The following RPN2 variants were observed in gnomAD, a reference collection of about 807,000 sequenced individuals.
RPN2 encodes dolichyl-diphosphooligosaccharide--protein glycosyltransferase subunit 2.
A neutral mutation model predicts 71.4 loss-of-function variants in RPN2; 29 were observed. The observed-to-expected ratio is 0.41, with a 90% CI of 0.30 to 0.55. The LOEUF is 0.55. Among genes scored for constraint, RPN2 ranks in the 20% least tolerant of loss-of-function variants. The pLI, the probability that RPN2 is intolerant of heterozygous loss-of-function variation, is 0.35. For synonymous variants in RPN2, 308 were observed against 305.0 expected (o/e 1.01, Z -0.10); for missense variants, 726 against 774.1 (o/e 0.94, Z 0.74).
intron 2 of RPN2, among the ~76,000 whole-genome samples, chr20:37,190,356 T>C (rs1339810842): frequency 1.3e-5 from 2 of 152,244 alleles, no homozygotes; most frequent in African/African-American, 4.8e-5. Context: ...TTGGGCTGGC[T>C]GTGGCTTTAT....
rs751282909 is a variant in RPN2 at position 37,179,330 on chromosome 20, G to A, written c.-27G>A. On this transcript the variant is annotated 5_prime_UTR_variant, in exon 1 of 17. Coordinates refer to ENST00000237530, the MANE Select transcript of RPN2 (RefSeq NM_002951.5). ...CCGAGCGGAAGTCAGCCCGCGGCTC[G>A]GACTCCGGCGGGACCTGCTCGGAGG... The A allele has an allele frequency of 5.2e-6, 8 of 1,535,228 alleles. No homozygotes were observed. The highest frequency in any genetic ancestry group is 4.8e-5 in the South Asian group (4 of 83,910).
chr20:37,189,680 C>G (rs1257690513), intron 2 of RPN2, among the ~76,000 whole-genome samples: 1 of 152,098 alleles, frequency 6.6e-6, no homozygotes, highest in Non-Finnish European at 1.5e-5. Flanking sequence ...AAGAGTATAC[C>G]CATCAGAGTC....
chr20:37,190,481 A>G (rs995261053), intron 2 of RPN2, among the ~76,000 whole-genome samples: 2 of 152,206 alleles, frequency 1.3e-5, no homozygotes, highest in Non-Finnish European at 2.9e-5. Context: ...TTGTTCTGTC[A>G]TCGGTAAGAT....
intron 1 of RPN2, among the ~76,000 whole-genome samples, chr20:37,181,719 A>T (rs1482653438): frequency 6.6e-6 from 1 of 152,054 alleles, no homozygotes; most frequent in East Asian, 1.9e-4. Context: ...GCGCCTGGCC[A>T]TATTGGGTTT....
At chr20:37,191,411 G>A (rs2067137248) in intron 2 of RPN2, among the ~76,000 whole-genome samples, 1 of 152,002 alleles carries the variant, frequency 6.6e-6, no homozygotes, top group Non-Finnish European at 1.5e-5. Flanking sequence ...AGAGGCAGAG[G>A]TTTTGCAGTG....
intron 14 of RPN2, among the ~76,000 whole-genome samples, 162 bp from the exon 15 acceptor site, chr20:37,233,858 G>T (rs1457389614): frequency 6.6e-6 from 1 of 152,204 alleles, no homozygotes; most frequent in Non-Finnish European, 1.5e-5. Context: ...TTCCCCGAGG[G>T]CTTATAATAG....
chr20:37,186,157 T>C (rs1286695090), intron 2 of RPN2, among the ~76,000 whole-genome samples: 2 of 152,234 alleles, frequency 1.3e-5, no homozygotes, highest in Non-Finnish European at 2.9e-5. Context: ...AGAAAACTGC[T>C]ATTAAAGGGT....
Position 37,184,382 on chromosome 20 carries a change from G to A in RPN2, c.207+9G>A, listed in dbSNP as rs1197352641. The A allele has an allele frequency of 2.5e-6, 4 of 1,613,230 alleles. No homozygotes were observed. The highest frequency in any genetic ancestry group is 3.4e-6 in the Non-Finnish European group (4 of 1,179,344). ...AGGTGCCAGATGCAAAGGTAAGGCT[G>A]CTTTTGTCCTGGTGGTCAGGGTGGT... On this transcript the variant is annotated intron_variant, in intron 2 of 16. Coordinates refer to ENST00000237530, the MANE Select transcript of RPN2 (RefSeq NM_002951.5).
intron 2 of RPN2, among the ~76,000 whole-genome samples, chr20:37,193,988 A>G (rs2067201765): frequency 6.6e-6 from 1 of 152,170 alleles, no homozygotes; most frequent in African/African-American, 2.4e-5. Flanking sequence ...GAGCTGCCAG[A>G]GAAGTAGGAG....
At chr20:37,228,466 G>A (rs1334283328) in intron 11 of RPN2, 84 bp from the exon 12 acceptor site, 13 of 1,345,184 alleles carry the variant, frequency 9.7e-6, no homozygotes, top group East Asian at 6.9e-5. Flanking sequence ...GCTAATAACC[G>A]TCTGCTGCCC....
intron 2 of RPN2, among the ~76,000 whole-genome samples, chr20:37,193,765 G>T (rs1403583964): frequency 6.6e-6 from 1 of 152,170 alleles, no homozygotes; most frequent in Admixed American, 6.5e-5. Flanking sequence ...CACGAATTTG[G>T]TCTTTACCAT....
At chr20:37,189,832 A>G (rs951830639) in intron 2 of RPN2, among the ~76,000 whole-genome samples, 1 of 152,196 alleles carries the variant, frequency 6.6e-6, no homozygotes, top group Non-Finnish European at 1.5e-5. Flanking sequence ...TCTTACATTG[A>G]AAAGGTTTGC....
chr20:37,203,872 C>T lies in RPN2; in HGVS notation c.480-13C>T, dbSNP rs373756854. 5.6e-6 allele frequency: 9 copies of T among 1,608,312 alleles called. No homozygotes were observed. The highest frequency in any genetic ancestry group is 4.0e-5 in the African/African-American group (3 of 74,820). On this transcript the variant is annotated splice_polypyrimidine_tract_variant and intron_variant, in intron 4 of 16. Coordinates refer to ENST00000237530, the MANE Select transcript of RPN2 (RefSeq NM_002951.5). ...ACTTGCCATTCATTGGGGTTCTACT[C>T]TTTACCTTCCAGAACAGTCCAGGCT... is the stretch of plus-strand genomic sequence containing the variant.
chr20:37,214,869 A>T (rs893772222), intron 9 of RPN2, among the ~76,000 whole-genome samples: 4 of 152,086 alleles, frequency 2.6e-5, no homozygotes, highest in African/African-American at 9.7e-5. Flanking sequence ...GTGGGGTGGT[A>T]CTTTGAGACT....
chr20:37,223,819 T>C, intron 9 of RPN2, 59 bp from the exon 10 acceptor site: 1 of 1,381,082 alleles, frequency 7.2e-7, no homozygotes, highest in Non-Finnish European at 1.0e-6. Flanking sequence ...TATATCTGCA[T>C]GTGAATTCCT....
chr20:37,204,939 G>C lies in RPN2; in HGVS notation c.690+38G>C, dbSNP rs769665792. On this transcript the variant is annotated intron_variant, in intron 6 of 16. Coordinates refer to ENST00000237530, the MANE Select transcript of RPN2 (RefSeq NM_002951.5). ...CAATTTTCAGGCATGAAACCCAAAG[G>C]GGTCATCAGCTGTATCTGCTAAGGA... 5 of 1,613,914 alleles carry C rather than the reference G, an allele frequency of 3.1e-6. No individual in the cohort carries two copies. In the South Asian group the frequency reaches 5.5e-5, roughly 18 times the overall value.
chr20:37,184,173 C>T lies in RPN2; in HGVS notation c.14-7C>T, dbSNP rs748666082. ...TAGAGTGTACTGAATGGTTGTTTCC[C>T]CCCAAGGTTCAAGCACTGTCTTCCT... On this transcript the variant is annotated splice_polypyrimidine_tract_variant and splice_region_variant and intron_variant, in intron 1 of 16. Coordinates refer to ENST00000237530, the MANE Select transcript of RPN2 (RefSeq NM_002951.5). The T allele has an allele frequency of 6.2e-7, 1 of 1,614,112 alleles. No individual in the cohort carries two copies. The highest frequency in any genetic ancestry group is 8.5e-7 in the Non-Finnish European group (1 of 1,180,012).
Position 37,179,331 on chromosome 20 carries a change from G to C in RPN2, c.-26G>C. 6.5e-7 allele frequency: 1 copy of C among 1,535,510 alleles called. No homozygotes were observed. Among genetic ancestry groups the C allele is most frequent in the East Asian group, 2.5e-5 (1 of 40,810 alleles). ...CGAGCGGAAGTCAGCCCGCGGCTCG[G>C]ACTCCGGCGGGACCTGCTCGGAGGA... On this transcript the variant is annotated 5_prime_UTR_variant, in exon 1 of 17. Transcript: ENST00000237530.
At chr20:37,213,629 G>T (rs1439170254) in intron 8 of RPN2, 131 bp from the exon 9 acceptor site, 1 of 731,488 alleles carries the variant, frequency 1.4e-6, no homozygotes, top group South Asian at 1.5e-5. Context: ...GCCCAAGTGG[G>T]GTGGGAAGTC....
Sources: allele counts gnomAD v4.1 joint callset (sites outside exome capture counted in the v4.1 genomes callset), GRCh38; gene constraint gnomAD v4.1.1; transcripts MANE v1.5; gene names NCBI Gene and HGNC (gene_info 2026-07-23, HGNC 2026-07-21).